The following GABRG2 variants were observed in gnomAD, a reference collection of about 807,000 sequenced individuals.
GABRG2 encodes the protein gamma-aminobutyric acid receptor subunit gamma-2.
GABRG2 carries 16 observed loss-of-function variants against 56.4 expected under a neutral mutation model. The observed-to-expected ratio is 0.28, with a 90% CI of 0.19 to 0.43. The LOEUF is 0.43. Ranked by LOEUF, GABRG2 falls within the 20% of genes least tolerant of loss-of-function variation. GABRG2 has a pLI of 1.00. For missense variants in GABRG2, 327 were observed against 582.7 expected, an observed-to-expected ratio of 0.56 and a Z score of 4.52; for synonymous variants, 208 against 205.5, an observed-to-expected ratio of 1.01 and a Z score of -0.10.
intron 6 of GABRG2, among the ~76,000 whole-genome samples, chr5:162,133,036 G>GTT (rs1763867327): frequency 6.6e-6 from 1 of 151,884 alleles, no homozygotes; most frequent in East Asian, 1.9e-4. Context: ...AACAGTGGGT[G>GTT]ACTGTAATAG....
At chr5:162,148,540 C>T (rs1030875436) in intron 7 of GABRG2, among the ~76,000 whole-genome samples, 1 of 152,160 alleles carries the variant, frequency 6.6e-6, no homozygotes, top group African/African-American at 2.4e-5. Context: ...AAAATGTAAA[C>T]TGTCTGCATG....
chr5:162,081,173 C>A (rs557115550), intron 1 of GABRG2, among the ~76,000 whole-genome samples: 15 of 151,922 alleles, frequency 9.9e-5, no homozygotes, highest in African/African-American at 3.6e-4. Flanking sequence ...AATAGGAAAC[C>A]AGAGTACTAG....
At chr5:162,082,304 A>C (rs1759730764) in intron 1 of GABRG2, among the ~76,000 whole-genome samples, 1 of 151,930 alleles carries the variant, frequency 6.6e-6, no homozygotes, top group Admixed American at 6.6e-5. Flanking sequence ...TTGTTATTTC[A>C]TTAAGGCACT....
intron 6 of GABRG2, among the ~76,000 whole-genome samples, chr5:162,140,478 C>G (rs953500323): frequency 2.0e-5 from 3 of 152,108 alleles, no homozygotes; most frequent in East Asian, 3.9e-4. Flanking sequence ...AAAAACTAGA[C>G]TGAGTAGTAA....
At position 162,071,944 on chromosome 5, in the gene GABRG2, G is replaced by A. The variant is rs567209550; in HGVS notation, c.107+3838G>A. Among the ~76,000 whole-genome samples, 6 of 151,506 alleles carry A rather than the reference G, an allele frequency of 4.0e-5. No homozygotes were observed. In the Middle Eastern group the frequency reaches 0.01, roughly 259 times the overall value. On this transcript the variant is annotated intron_variant, in intron 1 of 9. Coordinates refer to ENST00000639213, the MANE Select transcript of GABRG2 (RefSeq NM_198904.4). Reference sequence around the variant, plus strand: ...AAAAAAAAATAAAGAAAAACAGAACGTAAATACTCATCACCCAGTATTTCC... The same window carrying A: ...AAAAAAAAATAAAGAAAAACAGAACATAAATACTCATCACCCAGTATTTCC...
intron 1 of GABRG2, among the ~76,000 whole-genome samples, chr5:162,093,422 G>A (rs762674484): frequency 3.8e-4 from 58 of 152,062 alleles, no homozygotes; most frequent in Non-Finnish European, 7.1e-4. Flanking sequence ...AATAAGTTGG[G>A]GCAAGTGAAC....
chr5:162,078,008 A>G (rs1350200128), intron 1 of GABRG2, among the ~76,000 whole-genome samples: 1 of 152,008 alleles, frequency 6.6e-6, no homozygotes, highest in African/African-American at 2.4e-5. Flanking sequence ...CAAAAATTAT[A>G]CACCATCGCT....
chr5:162,112,260 A>ATT (rs3839307), intron 6 of GABRG2, among the ~76,000 whole-genome samples: 1 of 150,748 alleles, frequency 6.6e-6, no homozygotes, highest in South Asian at 2.1e-4. Flanking sequence ...TCAAAAAAGC[A>ATT]TTTTTTTTTT....
chr5:162,107,051 T>A (rs1218694011), intron 6 of GABRG2, among the ~76,000 whole-genome samples: 1 of 152,130 alleles, frequency 6.6e-6, no homozygotes, highest in Admixed American at 6.6e-5. Context: ...TTCCCTTCTA[T>A]ATGTCCATGT....
chr5:162,094,493 A>G (rs993486127), intron 2 of GABRG2: 1 of 162,454 alleles, frequency 6.2e-6, no homozygotes, highest in Non-Finnish European at 1.3e-5. Flanking sequence ...TACTCTTGGG[A>G]CCAGCAGGTA....
chr5:162,135,274 A>T (rs560903975), intron 6 of GABRG2, among the ~76,000 whole-genome samples: 2 of 152,070 alleles, frequency 1.3e-5, no homozygotes, highest in East Asian at 3.9e-4. Context: ...CTGTGACCTT[A>T]TATCCATTGA....
At chr5:162,147,544 T>C (rs111830202) in intron 7 of GABRG2, among the ~76,000 whole-genome samples, 5,969 of 152,132 alleles carry the variant, frequency 0.039, 182 homozygotes, top group Non-Finnish European at 0.06. Context: ...TTTTGTATTT[T>C]TAGTAGAGAC....
At chr5:162,107,508 G>T (rs1041243512) in intron 6 of GABRG2, among the ~76,000 whole-genome samples, 1 of 152,086 alleles carries the variant, frequency 6.6e-6, no homozygotes, top group Non-Finnish European at 1.5e-5. Flanking sequence ...GAGAGAATTT[G>T]CTCACCAGGA....
At chr5:162,117,523 T>C (rs767911563) in intron 6 of GABRG2, among the ~76,000 whole-genome samples, 14 of 152,290 alleles carry the variant, frequency 9.2e-5, no homozygotes, top group Middle Eastern at 6.8e-3. Flanking sequence ...AAGCAACTTT[T>C]AAAATCTTTT....
At chr5:162,137,403 C>G (rs914243649) in intron 6 of GABRG2, among the ~76,000 whole-genome samples, 1 of 152,182 alleles carries the variant, frequency 6.6e-6, no homozygotes, top group African/African-American at 2.4e-5. Flanking sequence ...TTTTCAGGAC[C>G]AAACATTACC....
intron 1 of GABRG2, among the ~76,000 whole-genome samples, chr5:162,068,933 T>C (rs1416129758): frequency 6.6e-6 from 1 of 151,964 alleles, no homozygotes; most frequent in African/African-American, 2.4e-5. Flanking sequence ...TGGAAAAGAG[T>C]TGGCCTTGCT....
chr5:162,098,185 G>T, intron 4 of GABRG2: 1 of 300,620 alleles, frequency 3.3e-6, no homozygotes, highest in Non-Finnish European at 6.2e-6. Flanking sequence ...CTTATGCTTG[G>T]CAATATCTTC....
chr5:162,107,307 G>T (rs563299358), intron 6 of GABRG2, among the ~76,000 whole-genome samples: 2 of 152,142 alleles, frequency 1.3e-5, no homozygotes, highest in Non-Finnish European at 2.9e-5. Flanking sequence ...AAATACAAGT[G>T]ATATAAAAAT....
Position 162,103,818 on chromosome 5 carries a change from T to A in GABRG2, c.632-71T>A, listed in dbSNP as rs139835190. 2,213 of 1,540,010 alleles carry A rather than the reference T, an allele frequency of 1.4e-3. 6 individuals are homozygous for A. Among genetic ancestry groups the A allele is most frequent in the Non-Finnish European group, 1.8e-3 (1,995 of 1,115,136 alleles). ...CTCAGTCTTTACCTCAGTGTCATGT[T>A]CATAGAAGATGGTTGCTACATATGC... On this transcript the variant is annotated intron_variant, in intron 5 of 9. Transcript: ENST00000639213.
Sources: allele counts gnomAD v4.1 joint callset (sites outside exome capture counted in the v4.1 genomes callset), GRCh38; gene constraint gnomAD v4.1.1; transcripts MANE v1.5; gene names NCBI Gene and HGNC (gene_info 2026-07-23, HGNC 2026-07-21).